IGSF9B: variants seen among roughly 807,000 people sequenced by gnomAD.
The protein encoded by IGSF9B is protein turtle homolog B.
A neutral mutation model predicts 143.7 loss-of-function variants in IGSF9B; 48 were observed. The ratio of observed to expected loss-of-function variants is 0.33; its 90% CI spans 0.26 to 0.42. The LOEUF is 0.42. IGSF9B is among the 20% of genes least tolerant of loss of function. The probability of loss-of-function intolerance (pLI) is 1.00; values close to 1 mark genes in which losing one functional copy is unlikely to be tolerated. For missense variants in IGSF9B, 1,706 were observed against 1,980.0 expected (o/e 0.86, Z 2.63); for synonymous variants, 903 against 833.1 (o/e 1.08, Z -1.44).
intron 15 of IGSF9B, among the ~76,000 whole-genome samples, 183 bp from the exon 16 acceptor site, chr11:133,922,913 A>C (rs915799898): frequency 6.6e-6 from 1 of 152,242 alleles, no homozygotes; most frequent in South Asian, 2.1e-4. Context: ...AGAAGAGAGG[A>C]GAGTCTACAG....
chr11:133,922,051 T>C, intron 17 of IGSF9B, 126 bp downstream of exon 17: 2 of 780,092 alleles, frequency 2.6e-6, no homozygotes, highest in South Asian at 3.2e-5. Flanking sequence ...CAAGTACAAT[T>C]AACACACAGG....
chr11:133,911,773 C>G, intron 19 of IGSF9B, 113 bp downstream of exon 19: 2 of 994,544 alleles, frequency 2.0e-6, no homozygotes, highest in Non-Finnish European at 2.7e-6. Flanking sequence ...AGAGAAAGCC[C>G]AAGGTTGGGG....
At chr11:133,923,725 G>A (rs1190316616) in intron 15 of IGSF9B, among the ~76,000 whole-genome samples, 3 of 152,262 alleles carry the variant, frequency 2.0e-5, no homozygotes, top group African/African-American at 7.2e-5. Context: ...CTAATACAGG[G>A]AATGCTGAGG....
Position 133,944,355 on chromosome 11 carries a change from G to T in IGSF9B, c.274C>A (p.Leu92Ile). ...AGCCGCAGAGATGCCTTATCATGAA[G>T]ACTGGCCCGGCCTGGGGGAATAGAG... ...VDPEYAGRASLHDKASLRLEQ... is the reference protein window; with the variant it reads ...VDPEYAGRASIHDKASLRLEQ... Residue 92 changes from leucine to isoleucine, a missense_variant, in exon 3 of 20, where the codon CTT becomes ATT. By Grantham distance (5) the Leu-to-Ile change is conservative (BLOSUM62 2). Transcript: ENST00000533871. 1 of 1,613,614 alleles carries T rather than the reference G, an allele frequency of 6.2e-7. No individual in the cohort carries two copies.
rs1268609052 is a variant in IGSF9B at position 133,913,780 on chromosome 11, C to T, written c.3984-1773G>A. On this transcript the variant is annotated intron_variant, in intron 18 of 19. Transcript: ENST00000533871. The surrounding 1 kb of genome is among the most constrained non-coding windows in gnomAD (Gnocchi z 4.6). ...CCGGGCGGGAGGCAGCACACCTTCC[C>T]AGTGTGGATAGCACATCCTCACCCC... Among the ~76,000 whole-genome samples, 1 of 152,222 alleles carries T rather than the reference C, an allele frequency of 6.6e-6. No individual in the cohort carries two copies. Among genetic ancestry groups the T allele is most frequent in the African/African-American group, 2.4e-5 (1 of 41,460 alleles).
Position 133,945,249 on chromosome 11 carries a change from G to A in IGSF9B, c.262+812C>T, listed in dbSNP as rs1356240006. On this transcript the variant is annotated intron_variant, in intron 2 of 19. Transcript: ENST00000533871. The surrounding 1 kb of genome is among the most constrained non-coding windows in gnomAD (Gnocchi z 4.6). ...CTGCTCTCCTCCTCGTCCTGATGCT[G>A]GCAATCTGCCTAAAAACTAGACTCT... Among the ~76,000 whole-genome samples the A allele has an allele frequency of 6.6e-6, 1 of 152,158 alleles. No individual in the cohort carries two copies. Among genetic ancestry groups the A allele is most frequent in the African/African-American group, 2.4e-5 (1 of 41,420 alleles).
chr11:133,914,368 A>G (rs887846099), intron 18 of IGSF9B, among the ~76,000 whole-genome samples: 5 of 152,174 alleles, frequency 3.3e-5, no homozygotes, highest in Admixed American at 6.5e-5. Flanking sequence ...TAGCAGCTAC[A>G]AAGAAGAAAA....
chr11:133,954,336 G>C (rs1940213660), intron 1 of IGSF9B, among the ~76,000 whole-genome samples: 1 of 152,118 alleles, frequency 6.6e-6, no homozygotes, highest in African/African-American at 2.4e-5. Context: ...CGCACATCCT[G>C]CACACGTGTC....
In IGSF9B at chr11:133,898,592, G is replaced by A. The variant is rs1939062236; in HGVS notation, c.*10477C>T. On this transcript the variant is annotated 3_prime_UTR_variant, in exon 20 of 20. Coordinates refer to ENST00000533871, the MANE Select transcript of IGSF9B (RefSeq NM_001277285.4). ...CCCCCTTCTGGGCCCTCTATCCCCA[G>A]CCCCACACCTGGCAGTTAGGAAATT... The A allele has an allele frequency of 6.5e-6, 1 of 154,380 alleles. No individual in the cohort carries two copies. The highest frequency in any genetic ancestry group is 1.5e-5 in the Non-Finnish European group (1 of 68,256). The allele number at this position is 154,380 out of a possible 1,614,324, so 9.6% of individuals were successfully genotyped here. A position where few individuals can be genotyped will look rare whatever the true frequency, so the allele number is the denominator to read the frequency against.
intron 18 of IGSF9B, among the ~76,000 whole-genome samples, chr11:133,919,337 G>A (rs543160427): frequency 6.6e-6 from 1 of 152,154 alleles, no homozygotes; most frequent in African/African-American, 2.4e-5. Flanking sequence ...AGAAAAGGAG[G>A]CTAGACACGA....
In IGSF9B at chr11:133,913,303, A is replaced by C. The variant is rs77973039; in HGVS notation, c.3984-1296T>G. ...CTGTGAGGGCAAAAGAAGACCCCAA[A>C]GGTCAGCAAGCGGTCTGAGGTTAAA... On this transcript the variant is annotated intron_variant, in intron 18 of 19. Coordinates refer to ENST00000533871, the MANE Select transcript of IGSF9B (RefSeq NM_001277285.4). This position sits in a 1 kb window ranked among gnomAD's most constrained non-coding sequence, Gnocchi z 4.6. Among the ~76,000 whole-genome samples the C allele has an allele frequency of 0.066, 10,041 of 152,136 alleles. 600 individuals are homozygous for C. Among genetic ancestry groups the C allele is most frequent in the Non-Finnish European group, 0.095 (6,451 of 68,006 alleles).
intron 18 of IGSF9B, among the ~76,000 whole-genome samples, chr11:133,917,832 C>CG (rs1004897226): frequency 8.6e-5 from 13 of 152,006 alleles, no homozygotes; most frequent in South Asian, 6.3e-4. Context: ...GAATAGGGTG[C>CG]GGGGGGGCTC....
intron 18 of IGSF9B, among the ~76,000 whole-genome samples, chr11:133,915,929 C>A (rs1939372391): frequency 6.6e-6 from 1 of 152,198 alleles, no homozygotes; most frequent in Non-Finnish European, 1.5e-5. Flanking sequence ...CGGGAGTCTG[C>A]AGGTCTGAGC....
chr11:133,908,007 G>A lies in IGSF9B; in HGVS notation c.*1062C>T, dbSNP rs974222609. 6.6e-6 allele frequency among the ~76,000 whole-genome samples: 1 copy of A among 152,272 alleles called. No individual in the cohort carries two copies. Among genetic ancestry groups the A allele is most frequent in the Non-Finnish European group, 1.5e-5 (1 of 68,048 alleles). ...GCAAAGGAGGATCCAATCAGCCGCT[G>A]TGGAACAGCACTGCACAGAGTGCTG... is the stretch of plus-strand genomic sequence containing the variant. On this transcript the variant is annotated 3_prime_UTR_variant, in exon 20 of 20. Coordinates refer to ENST00000533871, the MANE Select transcript of IGSF9B (RefSeq NM_001277285.4).
intron 18 of IGSF9B, among the ~76,000 whole-genome samples, chr11:133,915,268 C>CTTTTTTTTT (rs33964936): frequency 1.2e-5 from 1 of 86,704 alleles, no homozygotes; most frequent in African/African-American, 4.6e-5. Flanking sequence ...CTCTCTCTCT[C>CTTTTTTTTT]TTTTTTTTTT....
chr11:133,911,749 G>A (rs1169056056), intron 19 of IGSF9B, 137 bp downstream of exon 19: 5 of 624,276 alleles, frequency 8.0e-6, no homozygotes, highest in Non-Finnish European at 9.6e-6. Context: ...AGAGAAGCTT[G>A]TGGATTCAAT....
At position 133,919,772 on chromosome 11, in the gene IGSF9B, T is replaced by C. The variant is rs770418036; in HGVS notation, c.3953A>G (p.Glu1318Gly). The change falls in exon 18 of 20, where the codon GAG becomes GGG. Residue 1318 changes from glutamate (E) to glycine (G), a missense_variant. By Grantham distance (98) the Glu-to-Gly change is moderately conservative. Transcript: ENST00000533871. The part of the protein sequence containing the change: ...RRTGEELLRP[E>G]TPPPTLPTSG... ...AGTAGGTAACGTGGGTGGTGGGGTC[T>C]CCGGTCGGAGCAATTCCTCCCCCGT... The C allele has an allele frequency of 4.7e-6, 7 of 1,482,500 alleles. No individual in the cohort carries two copies. In the South Asian group the frequency reaches 7.3e-5, roughly 15 times the overall value. The allele number at this position is 1,482,500 out of a possible 1,614,324, so 91.8% of individuals were successfully genotyped here.
rs1270611312 is a variant in IGSF9B at position 133,945,018 on chromosome 11, A to G, written c.263-652T>C. 2.0e-5 allele frequency among the ~76,000 whole-genome samples: 3 copies of G among 152,106 alleles called. No individual in the cohort carries two copies. Among genetic ancestry groups the G allele is most frequent in the South Asian group, 2.1e-4 (1 of 4,830 alleles). On this transcript the variant is annotated intron_variant, in intron 2 of 19. Transcript: ENST00000533871. The surrounding 1 kb of genome is among the most constrained non-coding windows in gnomAD (Gnocchi z 4.6). ...CCTGAGAACAAGGAATGGGTTGGCC[A>G]TCAGAGCAAACATCCTGGAGGCACC...
Position 133,902,124 on chromosome 11 carries a change from C to T in IGSF9B, c.*6945G>A, listed in dbSNP as rs559592788. On this transcript the variant is annotated 3_prime_UTR_variant, in exon 20 of 20. Coordinates refer to ENST00000533871, the MANE Select transcript of IGSF9B (RefSeq NM_001277285.4). ...ACATAGCACACACACACACCACACA[C>T]AGTCCATGTACCACACCAAACACAC... Among the ~76,000 whole-genome samples, 38 of 149,218 alleles carry T rather than the reference C, an allele frequency of 2.5e-4. No individual in the cohort carries two copies. Among genetic ancestry groups the T allele is most frequent in the African/African-American group, 8.9e-4 (36 of 40,506 alleles).
Sources: gnomAD v4.1 joint callset for allele counts (sites outside exome capture counted in the v4.1 genomes callset) on GRCh38, gnomAD v4.1.1 for gene constraint, Gnocchi (gnomAD v3.1) non-coding constraint, MANE v1.5 for transcripts, NCBI Gene and HGNC (gene_info 2026-07-23, HGNC 2026-07-21) for gene names.